FBLN7: variants seen among roughly 807,000 people sequenced by gnomAD.
The protein encoded by FBLN7 is fibulin 7.
In FBLN7, 31 loss-of-function variants were observed where a neutral mutation model predicts 44.0. That is an observed-to-expected ratio of 0.70 (90% confidence interval 0.53 to 0.95). The LOEUF is 0.95. Ranked by LOEUF, FBLN7 falls within the 40% of genes least tolerant of loss-of-function variation. The probability of loss-of-function intolerance (pLI) is 0.00; values close to 1 mark genes in which losing one functional copy is unlikely to be tolerated. For missense variants in FBLN7, 573 were observed against 618.5 expected (o/e 0.93, Z 0.78); for synonymous variants, 262 against 253.4 (o/e 1.03, Z -0.32).
At chr2:112,217,622 G>A in the FBLN7 span, among the ~76,000 whole-genome samples, 41 of 152,286 alleles carry the variant, frequency 2.7e-4, no homozygotes, top group African/African-American at 9.6e-4. Flanking sequence ...ATAGTAGAGT[G>A]TTTTTAAAAA....
the FBLN7 span, among the ~76,000 whole-genome samples, chr2:112,216,832 G>A: frequency 1.3e-5 from 2 of 151,712 alleles, no homozygotes; most frequent in South Asian, 4.2e-4. Context: ...GACAAAAGCA[G>A]AAAGAGAACA....
chr2:112,182,729 G>A lies in FBLN7; in HGVS notation c.671-62G>A, dbSNP rs183971080. 8.1e-3 allele frequency: 12,280 copies of A among 1,523,148 alleles called. 55 individuals carry two copies. The highest frequency in any genetic ancestry group is 1.0e-2 in the Non-Finnish European group (11,342 of 1,136,552). 94.4% of individuals were successfully genotyped at this position (1,523,148 alleles called of 1,614,324 possible). On this transcript the variant is annotated intron_variant, in intron 5 of 7. Transcript: ENST00000331203. ...AGGAATTGAAGCATGATTGTTCTGG[G>A]TCACAGCTGGCAACACTTGCTGCAT...
At chr2:112,192,185 T>G (rs1476980278), downstream of FBLN7, among the ~76,000 whole-genome samples, 1 of 152,246 alleles carries the variant, frequency 6.6e-6, no homozygotes, top group East Asian at 1.9e-4. Flanking sequence ...CCTTTGCTAT[T>G]AAAAATATTG....
intron 1 of FBLN7, among the ~76,000 whole-genome samples, chr2:112,140,178 C>T (rs866248279): frequency 6.2e-4 from 69 of 110,920 alleles, no homozygotes; most frequent in African/African-American, 1.1e-3. Flanking sequence ...TCCAGGCCAG[C>T]GTCCCTCCCG....
chr2:112,170,452 G>A (rs781624699), intron 3 of FBLN7, among the ~76,000 whole-genome samples: 13 of 151,512 alleles, frequency 8.6e-5, no homozygotes, highest in Admixed American at 4.6e-4. Flanking sequence ...ACTTGAACCC[G>A]GGAGGCAGAG....
intron 6 of FBLN7, among the ~76,000 whole-genome samples, chr2:112,184,013 G>C (rs1246516448): frequency 6.6e-6 from 1 of 152,194 alleles, no homozygotes; most frequent in Non-Finnish European, 1.5e-5. Flanking sequence ...AGTTGATGTA[G>C]ACATGCTGAA....
the FBLN7 span, among the ~76,000 whole-genome samples, chr2:112,217,494 T>C: frequency 6.6e-6 from 1 of 152,330 alleles, no homozygotes; most frequent in African/African-American, 2.4e-5. Context: ...TTAAAATCCA[T>C]TGGTCTTTGT....
rs1440599076 is a variant in FBLN7, at chr2:112,170,164, C to T, written c.406+4993C>T. Among the ~76,000 whole-genome samples, 5 of 152,082 alleles carry T rather than the reference C, an allele frequency of 3.3e-5. No individual in the cohort carries two copies. In the East Asian group the frequency reaches 7.7e-4, roughly 23 times the overall value. ...GGCTGAGGCAGAAGAATCGCTTGAACCCGGGAGGCGGAGATTGCAGTGAGC... is the reference window on the plus strand; with the variant it reads ...GGCTGAGGCAGAAGAATCGCTTGAATCCGGGAGGCGGAGATTGCAGTGAGC... On this transcript the variant is annotated intron_variant, in intron 3 of 7. Transcript: ENST00000331203.
the FBLN7 span, among the ~76,000 whole-genome samples, chr2:112,234,858 T>C: frequency 6.6e-6 from 1 of 151,300 alleles, no homozygotes; most frequent in African/African-American, 2.4e-5. Flanking sequence ...AAAACCGAAG[T>C]CTAAGAACGA....
At chr2:112,181,692 C>T (rs1222519158) in intron 4 of FBLN7, 47 bp from the exon 5 acceptor site, 13 of 1,350,508 alleles carry the variant, frequency 9.6e-6, no homozygotes, top group African/African-American at 1.5e-5. Flanking sequence ...GTCGGGCCCA[C>T]GGCAGGTGCG....
At chr2:112,203,505 A>G in the FBLN7 span, among the ~76,000 whole-genome samples, 3 of 152,228 alleles carry the variant, frequency 2.0e-5, no homozygotes, top group Admixed American at 6.5e-5. Flanking sequence ...ATGGAGTAGT[A>G]TGATTTACAA....
At chr2:112,199,323 C>T in the FBLN7 span, among the ~76,000 whole-genome samples, 1 of 152,160 alleles carries the variant, frequency 6.6e-6, no homozygotes, top group Non-Finnish European at 1.5e-5. Context: ...CTCATCGTCA[C>T]TTTTCCAGTG....
At position 112,162,308 on chromosome 2, in the gene FBLN7, C is replaced by A. The variant is rs191429578; in HGVS notation, c.235+2473C>A. 8.9e-3 allele frequency among the ~76,000 whole-genome samples: 1,336 copies of A among 150,446 alleles called. 9 individuals carry two copies. The highest frequency in any genetic ancestry group is 0.012 in the Non-Finnish European group (801 of 67,804). On this transcript the variant is annotated intron_variant, in intron 2 of 7. Transcript: ENST00000331203. The stretch of plus-strand genomic sequence containing the variant: ...TACAGGCGGGTGCTCCTGTGCCAGG[C>A]CTGTTTTGCCTTTTTTTTTTTTTTT...
intron 2 of FBLN7, among the ~76,000 whole-genome samples, chr2:112,162,335 A>G (rs1370192900): frequency 2.1e-5 from 3 of 142,432 alleles, no homozygotes; most frequent in Non-Finnish European, 4.6e-5. Flanking sequence ...TTTTTTTTTT[A>G]AGGGAATTTG....
chr2:112,200,917 A>G, the FBLN7 span, among the ~76,000 whole-genome samples: 4 of 152,360 alleles, frequency 2.6e-5, no homozygotes, highest in Admixed American at 2.6e-4. Flanking sequence ...GGAAAAAAGC[A>G]GCACCCATTT....
At chr2:112,231,890 C>A in the FBLN7 span, 1 of 1,591,078 alleles carries the variant, frequency 6.3e-7, no homozygotes, top group East Asian at 2.3e-5. Flanking sequence ...AGAAAACTTG[C>A]AGTATTCTCC....
At chr2:112,157,020 G>A (rs1471105821) in intron 1 of FBLN7, among the ~76,000 whole-genome samples, 1 of 152,152 alleles carries the variant, frequency 6.6e-6, no homozygotes, top group African/African-American at 2.4e-5. Context: ...CTGTATTTTA[G>A]AGAGTTTTTT....
intron 2 of FBLN7, among the ~76,000 whole-genome samples, chr2:112,161,215 TG>T (rs1558881010): frequency 6.6e-6 from 1 of 152,196 alleles, no homozygotes; most frequent in Non-Finnish European, 1.5e-5. Flanking sequence ...GTCAGGAGCC[TG>T]TGGAATATCT....
At chr2:112,170,928 G>A (rs937315049) in intron 3 of FBLN7, among the ~76,000 whole-genome samples, 1 of 152,200 alleles carries the variant, frequency 6.6e-6, no homozygotes, top group Non-Finnish European at 1.5e-5. Context: ...CATCCCATGT[G>A]GGCTGTGAGC....
Sources: gnomAD v4.1 joint callset for allele counts (sites outside exome capture counted in the v4.1 genomes callset) on GRCh38, gnomAD v4.1.1 for gene constraint, MANE v1.5 for transcripts, NCBI Gene and HGNC (gene_info 2026-07-23, HGNC 2026-07-21) for gene names.